Variants in EPB41L4A observed in about 807,000 individuals in gnomAD.
EPB41L4A encodes the protein band 4.1-like protein 4A.
A neutral mutation model predicts 108.6 loss-of-function variants in EPB41L4A; 100 were observed. That is an observed-to-expected ratio of 0.92 (90% confidence interval 0.78 to 1.09). The LOEUF (loss-of-function observed/expected upper bound fraction) is 1.09, where lower values mean the gene tolerates loss of function less well. Ranked by LOEUF, EPB41L4A falls within the 50% of genes least tolerant of loss-of-function variation. The probability of loss-of-function intolerance (pLI) is 0.00; values close to 1 mark genes in which losing one functional copy is unlikely to be tolerated. For synonymous variants in EPB41L4A, 319 were observed against 289.0 expected (o/e 1.10, Z -1.05); for missense variants, 1,030 against 842.7 (o/e 1.22, Z -2.75).
chr5:112,264,968 G>A lies in EPB41L4A; in HGVS notation c.482C>T (p.Ser161Phe). 3 of 1,611,178 alleles carry A rather than the reference G, an allele frequency of 1.9e-6. 1 individual carries two copies. The highest frequency in any genetic ancestry group is 3.3e-4 in the Middle Eastern group (2 of 6,050). ...CTGATCAGGAACAAACCGGTACTCA[G>A]ATACATATCCTGCAGTATGTTTATA... Reference protein sequence around the residue: ...DPYKHTAGYVSEYRFVPDQKE... With the variant: ...DPYKHTAGYVFEYRFVPDQKE... Residue 161 changes from serine (S) to phenylalanine (F), a missense_variant, in exon 6 of 23, where the codon TCT becomes TTT. Physicochemically the swap from Ser to Phe is radical, Grantham distance 155. Transcript: ENST00000261486.
chr5:112,394,423 A>G (rs981804799), intron 1 of EPB41L4A, among the ~76,000 whole-genome samples: 9 of 152,222 alleles, frequency 5.9e-5, no homozygotes, highest in Non-Finnish European at 1.0e-4. Context: ...TGCAAAAATC[A>G]AAACCATTCC....
chr5:112,210,448 CA>C (rs1157706966), intron 12 of EPB41L4A, among the ~76,000 whole-genome samples: 2 of 151,514 alleles, frequency 1.3e-5, no homozygotes, highest in South Asian at 2.1e-4. Flanking sequence ...ATGCAGCTGT[CA>C]AAAAAAGAGT....
rs760354049 is a variant in EPB41L4A, at chr5:112,262,510, T to A, written c.626A>T (p.Asp209Val). ...GTTACTCACATAGACGGGATGGAGG[T>A]CAACGCCATACATCTCCAGGGATTT... Reference protein sequence around the residue: ...TAKSLEMYGVDLHPVYGENKS... With the variant: ...TAKSLEMYGVVLHPVYGENKS... The change falls in exon 7 of 23, where the codon GAC (aspartate) becomes GTC (valine). Residue 209 changes from aspartate to valine, a missense_variant. Transcript: ENST00000261486. The A allele has an allele frequency of 6.2e-7, 1 of 1,613,722 alleles. No homozygotes were observed. Among genetic ancestry groups the A allele is most frequent in the Non-Finnish European group, 8.5e-7 (1 of 1,179,768 alleles).
intron 1 of EPB41L4A, among the ~76,000 whole-genome samples, chr5:112,372,003 A>G (rs151062106): frequency 3.2e-3 from 487 of 152,308 alleles, no homozygotes; most frequent in African/African-American, 0.011. Context: ...CAGCCTAGGC[A>G]ACAAAGCAAG....
intron 12 of EPB41L4A, among the ~76,000 whole-genome samples, chr5:112,225,310 C>T (rs967575870): frequency 3.3e-5 from 5 of 152,182 alleles, no homozygotes; most frequent in African/African-American, 1.2e-4. Context: ...TGGACTTATG[C>T]CCCTCTCCTT....
At chr5:112,290,175 C>A (rs548188637) in intron 2 of EPB41L4A, among the ~76,000 whole-genome samples, 1 of 110,966 alleles carries the variant, frequency 9.0e-6, no homozygotes, top group Non-Finnish European at 2.0e-5. Flanking sequence ...ACAAAGACAT[C>A]ATACAAACTT....
At chr5:112,259,085 T>A (rs972862173) in intron 9 of EPB41L4A, 144 bp downstream of exon 9, 3 of 658,334 alleles carry the variant, frequency 4.6e-6, no homozygotes, top group Non-Finnish European at 8.1e-6. Context: ...CTTTCCTTCC[T>A]TGAGAAGTTG....
At chr5:112,143,133 T>C (rs1264405709) in exon 14 of EPB41L4A, 1 of 152,196 alleles carries the variant, frequency 6.6e-6, no homozygotes, top group African/African-American at 2.4e-5. Context: ...CGCAGACTCG[T>C]TAGCAAGCCC....
At chr5:112,256,508 A>G (rs1055559671) in intron 9 of EPB41L4A, among the ~76,000 whole-genome samples, 1 of 152,200 alleles carries the variant, frequency 6.6e-6, no homozygotes, top group Non-Finnish European at 1.5e-5. Context: ...GATATGAGAT[A>G]AATAAAATTC....
chr5:112,309,694 T>G (rs947180022), intron 1 of EPB41L4A, among the ~76,000 whole-genome samples: 2 of 152,148 alleles, frequency 1.3e-5, no homozygotes, highest in African/African-American at 4.8e-5. Flanking sequence ...TATGGCACAG[T>G]TGACGTTAAG....
chr5:112,259,100 T>C (rs1389129553), intron 9 of EPB41L4A, 129 bp downstream of exon 9: 1 of 706,986 alleles, frequency 1.4e-6, no homozygotes, highest in African/African-American at 1.8e-5. Flanking sequence ...AAGTTGTGCA[T>C]GTGAGTTAAT....
At chr5:112,266,523 C>T (rs574040453) in intron 4 of EPB41L4A, among the ~76,000 whole-genome samples, 193 bp from the exon 5 acceptor site, 13 of 152,296 alleles carry the variant, frequency 8.5e-5, no homozygotes, top group East Asian at 1.9e-4. Context: ...ACACGGTTGT[C>T]GCTAAAAAGT....
intron 12 of EPB41L4A, among the ~76,000 whole-genome samples, chr5:112,213,942 T>C (rs1335361074): frequency 1.3e-5 from 2 of 152,212 alleles, no homozygotes; most frequent in Admixed American, 6.5e-5. Context: ...ACTGTCCAAA[T>C]TAGTAAGATT....
chr5:112,204,583 C>A, intron 14 of EPB41L4A, 95 bp from the exon 15 acceptor site: 1 of 692,596 alleles, frequency 1.4e-6, no homozygotes, highest in Non-Finnish European at 2.6e-6. Context: ...ACAGCTGGTA[C>A]TTCCAGAGGC....
At chr5:112,143,831 A>C (rs1200112869) in exon 14 of EPB41L4A, 2 of 454,874 alleles carry the variant, frequency 4.4e-6, no homozygotes, top group African/African-American at 4.0e-5. Flanking sequence ...CTCTGTCCAC[A>C]TCACTTCATG....
At chr5:112,358,727 G>T (rs1361934938) in intron 1 of EPB41L4A, among the ~76,000 whole-genome samples, 1 of 152,154 alleles carries the variant, frequency 6.6e-6, no homozygotes, top group East Asian at 1.9e-4. Context: ...AGAAATGAGT[G>T]CATATATCCA....
chr5:112,279,780 C>T (rs1468822187), intron 3 of EPB41L4A, among the ~76,000 whole-genome samples: 3 of 151,932 alleles, frequency 2.0e-5, no homozygotes, highest in Non-Finnish European at 4.4e-5. Context: ...AAGCTAGCTC[C>T]CAAAAATGGT....
rs17134384 is a variant in EPB41L4A, at chr5:112,355,272, T to C, written c.100-47782A>G. Among the ~76,000 whole-genome samples the C allele has an allele frequency of 8.2e-3, 1,256 of 152,328 alleles. 27 individuals carry two copies. Among genetic ancestry groups the C allele is most frequent in the South Asian group, 0.05 (239 of 4,828 alleles). ...AAAGATAGTTTCTATGCAACTAAAA[T>C]GGTTGAAATTAAGCAATGCAGTGCA... is the stretch of plus-strand genomic sequence containing the variant. On this transcript the variant is annotated intron_variant, in intron 1 of 22. Coordinates refer to ENST00000261486, the MANE Select transcript of EPB41L4A (RefSeq NM_022140.5).
At chr5:112,378,507 TAGAG>T (rs1759961941) in intron 1 of EPB41L4A, among the ~76,000 whole-genome samples, 1 of 152,158 alleles carries the variant, frequency 6.6e-6, no homozygotes, top group Non-Finnish European at 1.5e-5. Context: ...ATAAGAAATA[TAGAG>T]AAAGTTTCCC....
Sources: gnomAD v4.1 joint callset for allele counts (sites outside exome capture counted in the v4.1 genomes callset) on GRCh38, gnomAD v4.1.1 for gene constraint, MANE v1.5 for transcripts, NCBI Gene and HGNC (gene_info 2026-07-23, HGNC 2026-07-21) for gene names.